The following THSD4 variants were observed in gnomAD, a reference collection of about 807,000 sequenced individuals.
The protein encoded by THSD4 is thrombospondin type-1 domain-containing protein 4.
THSD4 carries 69 observed loss-of-function variants against 119.0 expected under a neutral mutation model. The ratio of observed to expected loss-of-function variants is 0.58; its 90% CI spans 0.48 to 0.71. THSD4 has a LOEUF of 0.71. Among genes scored for constraint, THSD4 ranks in the 30% least tolerant of loss-of-function variants. The pLI is 0.00. For synonymous variants in THSD4, 524 were observed against 540.4 expected (o/e 0.97, Z 0.42); for missense variants, 1,393 against 1,391.1 (o/e 1.00, Z -0.02).
chr15:71,733,124 TG>T (rs2141138707), intron 10 of THSD4: 1 of 152,372 alleles, frequency 6.6e-6, no homozygotes, highest in South Asian at 2.1e-4. Flanking sequence ...AGGATGATGA[TG>T]ATTTCTGTCA....
intron 2 of THSD4, among the ~76,000 whole-genome samples, chr15:71,152,715 G>C (rs1596227615): frequency 1.3e-5 from 2 of 152,274 alleles, no homozygotes; most frequent in South Asian, 4.1e-4. Context: ...TGCTGTCCTT[G>C]GTTGGCAGAT....
intron 6 of THSD4, among the ~76,000 whole-genome samples, chr15:71,409,832 G>A (rs2046659300): frequency 6.6e-6 from 1 of 152,066 alleles, no homozygotes; most frequent in African/African-American, 2.4e-5. Flanking sequence ...TTTTTAGACA[G>A]CCTGTTCTAG....
At chr15:71,186,972 G>C (rs1261244666) in intron 3 of THSD4, 2 of 152,194 alleles carry the variant, frequency 1.3e-5, no homozygotes, top group East Asian at 1.9e-4. Flanking sequence ...TGCAATTTTA[G>C]TTTGCAGTGG....
chr15:71,695,008 C>T (rs1182937363), intron 8 of THSD4, among the ~76,000 whole-genome samples: 1 of 152,166 alleles, frequency 6.6e-6, no homozygotes, highest in Non-Finnish European at 1.5e-5. Flanking sequence ...CTTCTGTGCC[C>T]CTTGAATTCA....
At chr15:71,750,122 G>T (rs1261006163) in intron 14 of THSD4, among the ~76,000 whole-genome samples, 1 of 152,160 alleles carries the variant, frequency 6.6e-6, no homozygotes, top group Non-Finnish European at 1.5e-5. Flanking sequence ...AGACAGAGGA[G>T]CCCAGCCATG....
chr15:71,568,086 T>G (rs2049276383), intron 7 of THSD4, among the ~76,000 whole-genome samples: 2 of 152,160 alleles, frequency 1.3e-5, no homozygotes, highest in Non-Finnish European at 2.9e-5. Flanking sequence ...CAAAAGCCAA[T>G]TACACACCAA....
intron 6 of THSD4, among the ~76,000 whole-genome samples, chr15:71,258,845 C>T (rs1446966587): frequency 2.0e-5 from 3 of 152,006 alleles, no homozygotes; most frequent in Non-Finnish European, 4.4e-5. Flanking sequence ...TCTGGAATGA[C>T]TTGTGTTCTG....
chr15:71,601,859 C>G (rs574520189), intron 7 of THSD4, among the ~76,000 whole-genome samples: 2 of 152,314 alleles, frequency 1.3e-5, no homozygotes, highest in Admixed American at 6.5e-5. Flanking sequence ...AAAGCAGTAT[C>G]TAGAATAAAC....
intron 6 of THSD4, among the ~76,000 whole-genome samples, chr15:71,335,585 TGC>T (rs1464056728): frequency 6.6e-6 from 1 of 152,006 alleles, no homozygotes; most frequent in African/African-American, 2.4e-5. Flanking sequence ...CTGTCACGGG[TGC>T]GAGAGAAGGG....
intron 15 of THSD4, 80 bp downstream of exon 15, chr15:71,758,155 T>C (rs1595923408): frequency 1.4e-6 from 2 of 1,448,348 alleles, no homozygotes; most frequent in African/African-American, 2.9e-5. Flanking sequence ...CAGGACTTTG[T>C]GTCAGGTGTC....
At chr15:71,325,503 C>T (rs1236552759) in intron 6 of THSD4, among the ~76,000 whole-genome samples, 1 of 152,150 alleles carries the variant, frequency 6.6e-6, no homozygotes, top group Non-Finnish European at 1.5e-5. Context: ...GAAAAGGATG[C>T]AAGGAACCTG....
intron 5 of THSD4, among the ~76,000 whole-genome samples, chr15:71,249,334 A>G (rs2044236378): frequency 6.6e-6 from 1 of 151,950 alleles, no homozygotes; most frequent in Non-Finnish European, 1.5e-5. Flanking sequence ...GTATATATAC[A>G]CACACTTTTA....
rs1246063312 is a variant in THSD4, at chr15:71,780,684, A to G, written c.*3310A>G. The stretch of plus-strand genomic sequence containing the variant: ...GTCCCCGCCCCCAGGGAACTAGAAC[A>G]TGACAAGAATTCTCCGCACTGTGCC... On this transcript the variant is annotated 3_prime_UTR_variant, in exon 18 of 18. Coordinates refer to ENST00000261862, the MANE Select transcript of THSD4 (RefSeq NM_024817.3). 2.2e-6 allele frequency: 1 copy of G among 456,732 alleles called. No homozygotes were observed. Among genetic ancestry groups the G allele is most frequent in the Admixed American group, 2.3e-5 (1 of 42,576 alleles). 28.3% of individuals were successfully genotyped at this position (456,732 alleles called of 1,614,324 possible).
At chr15:71,112,416 T>A, upstream of THSD4, 1 of 495,696 alleles carries the variant, frequency 2.0e-6, no homozygotes. Flanking sequence ...AGAGTTATGT[T>A]TCTTGTCTGT....
intron 8 of THSD4, among the ~76,000 whole-genome samples, chr15:71,682,473 C>T (rs985492646): frequency 6.6e-6 from 1 of 152,178 alleles, no homozygotes; most frequent in Non-Finnish European, 1.5e-5. Context: ...GCAGAAAGAA[C>T]CACTACCGTG....
At chr15:71,378,628 C>T (rs1199353341) in intron 6 of THSD4, among the ~76,000 whole-genome samples, 3 of 152,224 alleles carry the variant, frequency 2.0e-5, no homozygotes, top group African/African-American at 7.2e-5. Context: ...TGCACTGTTC[C>T]ACTCCATTAT....
chr15:71,765,009 T>G lies in THSD4; in HGVS notation c.2590-11T>G, dbSNP rs370299403. 3.2e-5 allele frequency: 52 copies of G among 1,607,726 alleles called. No homozygotes were observed. The African/African-American group carries it at 4.1e-4, about 13-fold the overall frequency. On this transcript the variant is annotated splice_polypyrimidine_tract_variant and intron_variant, in intron 15 of 17. Coordinates refer to ENST00000261862, the MANE Select transcript of THSD4 (RefSeq NM_024817.3). Reference sequence around the variant, plus strand: ...CATGTGACACTCATCTTTTTCTGCTTCTTTCTGCAGTGTTCCATCGAGTGT... The same window carrying G: ...CATGTGACACTCATCTTTTTCTGCTGCTTTCTGCAGTGTTCCATCGAGTGT...
chr15:71,490,218 A>G (rs914278353), intron 7 of THSD4, among the ~76,000 whole-genome samples: 1 of 151,904 alleles, frequency 6.6e-6, no homozygotes, highest in East Asian at 1.9e-4. Context: ...TGAGGTCAGG[A>G]GTTCGAGACC....
intron 6 of THSD4, among the ~76,000 whole-genome samples, chr15:71,298,650 T>G (rs895508359): frequency 1.3e-5 from 2 of 148,868 alleles, no homozygotes; most frequent in African/African-American, 2.5e-5. Flanking sequence ...TCTTGCTCTG[T>G]TGCTCAGGCT....
Sources: gnomAD v4.1 joint callset for allele counts (sites outside exome capture counted in the v4.1 genomes callset) on GRCh38, gnomAD v4.1.1 for gene constraint, MANE v1.5 for transcripts, NCBI Gene and HGNC (gene_info 2026-07-23, HGNC 2026-07-21) for gene names.